The following LDB2 variants were observed in gnomAD, a reference collection of about 807,000 sequenced individuals.
LDB2 encodes LIM domain binding 2, also known as LIM domain-binding protein 2.
A neutral mutation model predicts 44.3 loss-of-function variants in LDB2; 12 were observed. The observed-to-expected ratio is 0.27, with a 90% CI of 0.17 to 0.44. The LOEUF (loss-of-function observed/expected upper bound fraction) is 0.44, where lower values mean the gene tolerates loss of function less well. LDB2 is among the 20% of genes least tolerant of loss of function. LDB2 has a pLI of 1.00. For missense variants in LDB2, 344 were observed against 473.5 expected (o/e 0.73, Z 2.54); for synonymous variants, 164 against 174.8 (o/e 0.94, Z 0.49).
chr4:16,666,088 T>G (rs1743099138), intron 2 of LDB2, among the ~76,000 whole-genome samples: 1 of 152,220 alleles, frequency 6.6e-6, no homozygotes, highest in Admixed American at 6.5e-5. Flanking sequence ...AGAGTACATT[T>G]CTGCGGTTTT....
At chr4:16,894,262 G>A (rs1054530710) in intron 1 of LDB2, among the ~76,000 whole-genome samples, 1 of 152,060 alleles carries the variant, frequency 6.6e-6, no homozygotes, top group African/African-American at 2.4e-5. Context: ...AAGACATTGG[G>A]TCAATTTTTG....
chr4:16,588,732 G>T lies in LDB2; in HGVS notation c.509C>A (p.Pro170Gln). The T allele has an allele frequency of 1.2e-6, 2 of 1,613,722 alleles. No individual in the cohort carries two copies. Among genetic ancestry groups the T allele is most frequent in the East Asian group, 2.2e-5 (1 of 44,862 alleles). The change falls in exon 4 of 8, where the codon CCG becomes CAG. Residue 170 changes from proline (P) to glutamine (Q), a missense_variant. Pro to Gln is a moderately conservative substitution (Grantham distance 76). Transcript: ENST00000304523. ...TACATGCATGGCTAGGATGCTTCTC[G>T]GGACTAACTCTCGGTATTGTCTAAT... is the stretch of plus-strand genomic sequence containing the variant. ...FTIRQYRELVPRSILAMHAQD... is the reference protein window; with the variant it reads ...FTIRQYRELVQRSILAMHAQD...
At chr4:16,580,881 T>G (rs1177412601) in intron 5 of LDB2, among the ~76,000 whole-genome samples, 1 of 152,200 alleles carries the variant, frequency 6.6e-6, no homozygotes, top group Non-Finnish European at 1.5e-5. Context: ...GGAGATAAAA[T>G]AGACATCAAT....
intron 2 of LDB2, among the ~76,000 whole-genome samples, chr4:16,681,707 A>G (rs1463069183): frequency 4.7e-5 from 6 of 126,902 alleles, no homozygotes; most frequent in Non-Finnish European, 9.2e-5. Context: ...CTGGGCTGGG[A>G]CTACAGACTC....
intron 1 of LDB2, among the ~76,000 whole-genome samples, chr4:16,876,353 C>T (rs1290000846): frequency 1.3e-5 from 2 of 152,206 alleles, no homozygotes; most frequent in Non-Finnish European, 2.9e-5. Flanking sequence ...TCCTACCTCA[C>T]TTTCCCTAAA....
intron 2 of LDB2, among the ~76,000 whole-genome samples, chr4:16,597,567 T>C (rs1721319882): frequency 6.6e-6 from 1 of 152,188 alleles, no homozygotes; most frequent in Non-Finnish European, 1.5e-5. Flanking sequence ...TAAAGCTAAT[T>C]ATCACAAATC....
In LDB2 at chr4:16,634,165, A is replaced by G. The variant is rs189526254; in HGVS notation, c.236-38290T>C. Among the ~76,000 whole-genome samples, 961 of 152,334 alleles carry G rather than the reference A, an allele frequency of 6.3e-3. 13 individuals are homozygous for G. Among genetic ancestry groups the G allele is most frequent in the African/African-American group, 0.021 (879 of 41,570 alleles). On this transcript the variant is annotated intron_variant, in intron 2 of 7. Coordinates refer to ENST00000304523, the MANE Select transcript of LDB2 (RefSeq NM_001290.5). ...GATCTAAGACCATGAAAATCCTACA[A>G]GAAAACCTGGGCAATACCATTCAGG...
intron 5 of LDB2, among the ~76,000 whole-genome samples, chr4:16,553,294 A>G (rs577744135): frequency 6.6e-6 from 1 of 152,274 alleles, no homozygotes; most frequent in East Asian, 1.9e-4. Flanking sequence ...CTGGAACTAC[A>G]GGTACATGCC....
At chr4:16,856,319 AG>A (rs1789337685) in intron 1 of LDB2, among the ~76,000 whole-genome samples, 1 of 152,192 alleles carries the variant, frequency 6.6e-6, no homozygotes, top group South Asian at 2.1e-4. Context: ...TATATTCATC[AG>A]CTTGACTAAA....
intron 2 of LDB2, among the ~76,000 whole-genome samples, chr4:16,688,841 T>C (rs1749897562): frequency 6.6e-6 from 1 of 152,242 alleles, no homozygotes; most frequent in Non-Finnish European, 1.5e-5. Context: ...TCTCTCCTAA[T>C]ATGTATGTTA....
intron 7 of LDB2, among the ~76,000 whole-genome samples, chr4:16,504,318 G>A (rs1441713818): frequency 6.6e-6 from 1 of 152,104 alleles, no homozygotes; most frequent in Non-Finnish European, 1.5e-5. Context: ...CTTTTACAAT[G>A]GAAAACCTTG....
At chr4:16,841,854 G>T (rs760875174) in intron 1 of LDB2, among the ~76,000 whole-genome samples, 1 of 152,106 alleles carries the variant, frequency 6.6e-6, no homozygotes, top group East Asian at 1.9e-4. Flanking sequence ...AAAAACAGAT[G>T]ACATTTTAAA....
At chr4:16,779,123 G>C (rs182034402) in intron 1 of LDB2, among the ~76,000 whole-genome samples, 1 of 152,154 alleles carries the variant, frequency 6.6e-6, no homozygotes, top group Admixed American at 6.5e-5. Context: ...AAAGCTGTTG[G>C]GGGCACTGAG....
At chr4:16,666,831 G>GC (rs1479478948) in intron 2 of LDB2, among the ~76,000 whole-genome samples, 2 of 152,188 alleles carry the variant, frequency 1.3e-5, no homozygotes, top group Non-Finnish European at 2.9e-5. Context: ...GACAGAACAG[G>GC]CAACAGTTGT....
rs1004150313 is a variant in LDB2 at position 16,711,028 on chromosome 4, A to G, written c.235+48130T>C. On this transcript the variant is annotated intron_variant, in intron 2 of 7. Coordinates refer to ENST00000304523, the MANE Select transcript of LDB2 (RefSeq NM_001290.5). The stretch of plus-strand genomic sequence containing the variant: ...TTTATGAAATTTCAAAACATACATT[A>G]ATCTGTCCATTCATTCAACAATGCT... 2.0e-5 allele frequency among the ~76,000 whole-genome samples: 3 copies of G among 152,362 alleles called. No individual in the cohort carries two copies. In the East Asian group the frequency reaches 5.8e-4, roughly 29 times the overall value.
chr4:16,642,535 CA>C (rs991938797), intron 2 of LDB2, among the ~76,000 whole-genome samples: 1 of 152,138 alleles, frequency 6.6e-6, no homozygotes, highest in Admixed American at 6.5e-5. Flanking sequence ...GAAAATCTCA[CA>C]AAAAAGCATG....
intron 2 of LDB2, among the ~76,000 whole-genome samples, chr4:16,672,903 T>C (rs539684038): frequency 9.2e-5 from 13 of 140,550 alleles, no homozygotes; most frequent in Non-Finnish European, 1.5e-4. Flanking sequence ...TCCTTCCCCC[T>C]CTCCTTATCT....
At chr4:16,863,268 CA>C (rs1713357411) in intron 1 of LDB2, among the ~76,000 whole-genome samples, 1 of 152,092 alleles carries the variant, frequency 6.6e-6, no homozygotes, top group Non-Finnish European at 1.5e-5. Context: ...GAGAGTTTAC[CA>C]TGTTTTCTGC....
chr4:16,527,509 A>C (rs994287622), intron 5 of LDB2, among the ~76,000 whole-genome samples: 1 of 152,226 alleles, frequency 6.6e-6, no homozygotes, highest in Non-Finnish European at 1.5e-5. Context: ...ATCACTATGG[A>C]AGACAGTATG....
Sources: allele counts gnomAD v4.1 joint callset (sites outside exome capture counted in the v4.1 genomes callset), GRCh38; gene constraint gnomAD v4.1.1; transcripts MANE v1.5; gene names NCBI Gene and HGNC (gene_info 2026-07-23, HGNC 2026-07-21).